PCDHGA1: variants seen among roughly 807,000 people sequenced by gnomAD.
PCDHGA1 encodes protocadherin gamma subfamily A, 1, also known as protocadherin gamma-A1.
PCDHGA1 carries 32 observed loss-of-function variants against 58.0 expected under a neutral mutation model. The ratio of observed to expected loss-of-function variants is 0.55; its 90% CI spans 0.42 to 0.74. The LOEUF (loss-of-function observed/expected upper bound fraction) is 0.74. PCDHGA1 is among the 30% of genes least tolerant of loss of function. PCDHGA1 has a pLI of 0.00. For synonymous variants in PCDHGA1, 498 were observed against 501.1 expected (o/e 0.99, Z 0.08); for missense variants, 1,205 against 1,182.3 (o/e 1.02, Z -0.28).
intron 1 of PCDHGA1, chr5:141,375,434 A>G (rs1423365367): frequency 1.9e-6 from 3 of 1,613,800 alleles, no homozygotes; most frequent in Non-Finnish European, 2.5e-6. Flanking sequence ...CAACCCGCCC[A>G]CCTTCCCCCA....
chr5:141,400,503 G>T, intron 1 of PCDHGA1: 1 of 1,614,022 alleles, frequency 6.2e-7, no homozygotes, highest in Non-Finnish European at 8.5e-7. Context: ...ATTCCAGCGA[G>T]TCGACTTCCC....
At chr5:141,488,691 G>A (rs1443084778) in intron 1 of PCDHGA1, among the ~76,000 whole-genome samples, 2 of 152,192 alleles carry the variant, frequency 1.3e-5, no homozygotes, top group Non-Finnish European at 2.9e-5. Flanking sequence ...CTCCCAGAAG[G>A]ACAAGATTTT....
chr5:141,352,821 C>G, intron 1 of PCDHGA1: 2 of 796,944 alleles, frequency 2.5e-6, no homozygotes, highest in Non-Finnish European at 3.9e-6. Context: ...AAAACCCGGT[C>G]TACTAAAATT....
At chr5:141,370,322 C>T (rs1311185888) in intron 1 of PCDHGA1, 8 of 1,366,842 alleles carry the variant, frequency 5.9e-6, no homozygotes, top group Non-Finnish European at 7.0e-6. Context: ...GTTGGTCCTG[C>T]TCGGAGAACT....
intron 1 of PCDHGA1, chr5:141,376,383 A>G: frequency 5.0e-6 from 8 of 1,614,228 alleles, no homozygotes; most frequent in Non-Finnish European, 6.8e-6. Flanking sequence ...CGTAAGAGTC[A>G]TCTGATTTTC....
chr5:141,355,487 G>A (rs374822875), intron 1 of PCDHGA1: 2 of 1,613,940 alleles, frequency 1.2e-6, no homozygotes, highest in African/African-American at 1.3e-5. Context: ...GAGGAGCTCT[G>A]CGACAGATCT....
At chr5:141,414,274 G>A (rs762803658) in intron 1 of PCDHGA1, 23 of 1,613,368 alleles carry the variant, frequency 1.4e-5, no homozygotes, top group Non-Finnish European at 1.9e-5. Flanking sequence ...TTCACCTCTG[G>A]GAACAGTCGT....
chr5:141,447,181 G>C (rs442221), intron 1 of PCDHGA1, among the ~76,000 whole-genome samples: 152,246 of 152,338 alleles, frequency 1, 76,078 homozygotes, highest in Middle Eastern at 1. Context: ...CTCTTGTCGC[G>C]CAGGCTGGAG....
chr5:141,428,190 T>C (rs1348507135), intron 1 of PCDHGA1: 2 of 1,429,918 alleles, frequency 1.4e-6, no homozygotes, highest in Non-Finnish European at 1.9e-6. Flanking sequence ...CAGCCGCCGC[T>C]CTCTGCGCCG....
chr5:141,448,720 C>T (rs545687728), intron 1 of PCDHGA1, among the ~76,000 whole-genome samples: 24 of 152,030 alleles, frequency 1.6e-4, no homozygotes, highest in African/African-American at 5.8e-4. Flanking sequence ...GCGGGAGGAT[C>T]ACGAGGTCAG....
intron 1 of PCDHGA1, chr5:141,351,424 CAAA>C (rs748407300): frequency 1.8e-4 from 295 of 1,611,554 alleles, no homozygotes; most frequent in Non-Finnish European, 2.4e-4. Context: ...AAGTTCCTTT[CAAA>C]TTAGAATCCA....
chr5:141,384,827 T>A lies in PCDHGA1; in HGVS notation c.2421+51722T>A, dbSNP rs182404532. ...AGAGATGCCCTCAAGCAGAGCCTCG[T>A]GGTGGCCGTCCAGGACCACGGTCAG... On this transcript the variant is annotated intron_variant, in intron 1 of 3. Transcript: ENST00000517417. The A allele has an allele frequency of 2.2e-4, 348 of 1,613,356 alleles. No individual in the cohort carries two copies. The highest frequency in any genetic ancestry group is 2.5e-4 in the Non-Finnish European group (296 of 1,179,908).
intron 1 of PCDHGA1, chr5:141,478,429 G>C: frequency 6.2e-7 from 1 of 1,613,674 alleles, no homozygotes; most frequent in Non-Finnish European, 8.5e-7. Flanking sequence ...GCAGCGACCC[G>C]CTGCTGAAGA....
At chr5:141,427,845 G>C in intron 1 of PCDHGA1, 1 of 1,550,582 alleles carries the variant, frequency 6.4e-7, no homozygotes, top group Non-Finnish European at 8.8e-7. Context: ...CTTCGACCAC[G>C]AGCAGCTGTG....
At chr5:141,419,419 C>T (rs767018815) in intron 1 of PCDHGA1, 1 of 1,613,266 alleles carries the variant, frequency 6.2e-7, no homozygotes, top group Non-Finnish European at 8.5e-7. Flanking sequence ...AGCGCGCCTT[C>T]GACCACGAGC....
At chr5:141,457,554 G>A (rs2098924282) in intron 1 of PCDHGA1, among the ~76,000 whole-genome samples, 1 of 152,166 alleles carries the variant, frequency 6.6e-6, no homozygotes, top group Admixed American at 6.5e-5. Flanking sequence ...TGTATGATAA[G>A]CTTTGGAGCA....
chr5:141,360,161 G>A, intron 1 of PCDHGA1: 1 of 1,606,974 alleles, frequency 6.2e-7, no homozygotes, highest in Non-Finnish European at 8.5e-7. Flanking sequence ...GGGAGGTGCG[G>A]GCTGGTGCGG....
At chr5:141,375,221 G>C (rs1299495432) in intron 1 of PCDHGA1, 31 of 1,613,820 alleles carry the variant, frequency 1.9e-5, no homozygotes, top group Non-Finnish European at 2.6e-5. Context: ...TGGCCTGAAT[G>C]GCCTGGTAAC....
rs754140602 is a variant in PCDHGA1 at position 141,410,043 on chromosome 5, C to G, written c.2421+76938C>G. Reference sequence around the variant, plus strand: ...TACCACGTGCTGCAGGCCAGTGAGCCCGGACTCTTCAGCCTGGGGCTGCGC... The same window carrying G: ...TACCACGTGCTGCAGGCCAGTGAGCGCGGACTCTTCAGCCTGGGGCTGCGC... On this transcript the variant is annotated intron_variant, in intron 1 of 3. Transcript: ENST00000517417. 13 of 1,613,080 alleles carry G rather than the reference C, an allele frequency of 8.1e-6. No homozygotes were observed. The South Asian group carries it at 1.2e-4, about 15-fold the overall frequency.
Sources: gnomAD v4.1 joint callset for allele counts (sites outside exome capture counted in the v4.1 genomes callset) on GRCh38, gnomAD v4.1.1 for gene constraint, MANE v1.5 for transcripts, NCBI Gene and HGNC (gene_info 2026-07-23, HGNC 2026-07-21) for gene names.